The following EMC2 variants were observed in gnomAD, a reference collection of about 807,000 sequenced individuals.
EMC2 encodes TPR repeat protein 35.
A neutral mutation model predicts 51.6 loss-of-function variants in EMC2; 37 were observed. That is an observed-to-expected ratio of 0.72 (90% CI 0.55 to 0.94). The LOEUF (loss-of-function observed/expected upper bound fraction) is 0.94, where lower values mean the gene tolerates loss of function less well. EMC2 is among the 40% of genes least tolerant of loss of function. The pLI is 0.00. For missense variants in EMC2, 359 were observed against 350.9 expected, an observed-to-expected ratio of 1.02 and a Z score of -0.18; for synonymous variants, 131 against 112.4, an observed-to-expected ratio of 1.17 and a Z score of -1.04.
intron 7 of EMC2, among the ~76,000 whole-genome samples, chr8:108,472,815 T>C (rs1810881128): frequency 6.6e-6 from 1 of 152,072 alleles, no homozygotes; most frequent in Admixed American, 6.6e-5. Flanking sequence ...CCTTTCTGCA[T>C]ATGAACAGTT....
chr8:108,487,991 A>T lies in EMC2; in HGVS notation c.*1393A>T, dbSNP rs1811173408. Among the ~76,000 whole-genome samples the T allele has an allele frequency of 6.6e-6, 1 of 152,132 alleles. No homozygotes were observed. The highest frequency in any genetic ancestry group is 1.5e-5 in the Non-Finnish European group (1 of 68,022). On this transcript the variant is annotated 3_prime_UTR_variant, in exon 11 of 11. Transcript: ENST00000220853. Reference sequence around the variant, plus strand: ...AATTAGTAACTGCATTTTCAACATGATGAACCATTTGAAATTTACATTTTC... The same window carrying T: ...AATTAGTAACTGCATTTTCAACATGTTGAACCATTTGAAATTTACATTTTC...
Position 108,487,911 on chromosome 8 carries a change from A to G in EMC2, c.*1313A>G, listed in dbSNP as rs1001869680. ...CTGTGAAAGAACTCTTCTCATCTGA[A>G]GGTAATTCTCTACTAATCTTTATTA... On this transcript the variant is annotated 3_prime_UTR_variant, in exon 11 of 11. Transcript: ENST00000220853. 2.0e-5 allele frequency among the ~76,000 whole-genome samples: 3 copies of G among 152,170 alleles called. No homozygotes were observed. Among genetic ancestry groups the G allele is most frequent in the Non-Finnish European group, 4.4e-5 (3 of 68,024 alleles).
In EMC2 at chr8:108,479,002, T is replaced by C. The variant is rs749395526; in HGVS notation, c.703-4T>C. 2 of 1,536,210 alleles carry C rather than the reference T, an allele frequency of 1.3e-6. No homozygotes were observed. Among genetic ancestry groups the C allele is most frequent in the Non-Finnish European group, 1.8e-6 (2 of 1,141,674 alleles). The stretch of plus-strand genomic sequence containing the variant: ...TTGCTTTTGATGTTTTTATTTGTTT[T>C]TAGTCGGCAAGTCATATTGCTTCTA... On this transcript the variant is annotated splice_region_variant and splice_polypyrimidine_tract_variant and intron_variant, in intron 9 of 10. Transcript: ENST00000220853.
chr8:108,460,637 C>T (rs1476582037), intron 5 of EMC2, among the ~76,000 whole-genome samples: 3 of 152,092 alleles, frequency 2.0e-5, no homozygotes, highest in Non-Finnish European at 4.4e-5. Flanking sequence ...GAAATGTAAA[C>T]CAATTTTGTG....
chr8:108,460,205 G>A (rs1301053534), intron 5 of EMC2, among the ~76,000 whole-genome samples: 1 of 152,166 alleles, frequency 6.6e-6, no homozygotes, highest in Non-Finnish European at 1.5e-5. Context: ...TTTGGAATTA[G>A]GAGTACAATA....
At chr8:108,447,782 T>C (rs1818913481) in intron 1 of EMC2, among the ~76,000 whole-genome samples, 1 of 152,076 alleles carries the variant, frequency 6.6e-6, no homozygotes, top group Non-Finnish European at 1.5e-5. Flanking sequence ...ACTTACATAG[T>C]ATGTAATAAA....
chr8:108,448,382 C>A (rs1407608183), intron 1 of EMC2, among the ~76,000 whole-genome samples: 3 of 151,958 alleles, frequency 2.0e-5, no homozygotes, highest in African/African-American at 7.3e-5. Flanking sequence ...GCTCTGTGTC[C>A]CCACCCAAAT....
At chr8:108,477,005 G>GT (rs968368750) in intron 9 of EMC2, 113 bp downstream of exon 9, 27 of 560,196 alleles carry the variant, frequency 4.8e-5, no homozygotes, top group Non-Finnish European at 7.1e-5. Context: ...TGATAAGCAT[G>GT]TTTTTTTCTG....
rs926188737 is a variant in EMC2 at position 108,453,095 on chromosome 8, G to A, written c.253G>A (p.Gly85Ser). The A allele has an allele frequency of 1.9e-6, 3 of 1,605,862 alleles. No individual in the cohort carries two copies. The highest frequency in any genetic ancestry group is 1.7e-5 in the Admixed American group (1 of 58,854). Residue 85 changes from glycine to serine, a missense_variant, in exon 4 of 11, where the codon GGC (glycine) becomes AGC (serine). By Grantham distance (56) the Gly-to-Ser change is moderately conservative (BLOSUM62 0). Coordinates refer to ENST00000220853, the MANE Select transcript of EMC2 (RefSeq NM_014673.5). The stretch of plus-strand genomic sequence containing the variant: ...TCAAGAGCTGAGAAGACAGTTCCCT[G>A]GCAGTCACAGAGTCAAGCGATTAAC... ...CLQELRRQFP[G>S]SHRVKRLTGM...
In EMC2 at chr8:108,487,386, TAAG is replaced by T. The variant is rs927466776; in HGVS notation, c.*791_*793del. Among the ~76,000 whole-genome samples, 8 of 151,934 alleles carry T rather than the reference TAAG, an allele frequency of 5.3e-5. No homozygotes were observed. Among genetic ancestry groups the T allele is most frequent in the South Asian group, 2.1e-4 (1 of 4,822 alleles). ...TAGTTATTTTTAATTTTGAAAAAAA[TAAG>T]AAAATTAAAACTATCCTTAGAAACA... is the stretch of plus-strand genomic sequence containing the variant. On this transcript the variant is annotated 3_prime_UTR_variant, in exon 11 of 11. Transcript: ENST00000220853.
Position 108,447,016 on chromosome 8 carries a change from TA to T in EMC2, c.41-2800del, listed in dbSNP as rs550045038. Among the ~76,000 whole-genome samples, 617 of 152,280 alleles carry T rather than the reference TA, an allele frequency of 4.1e-3. 5 individuals carry two copies. Among genetic ancestry groups the T allele is most frequent in the African/African-American group, 0.014 (586 of 41,560 alleles). ...ACTGCCGTTCTTAGAAGTTATGCTT[TA>T]AAAAAAGTTCTCTTTCCTATGAGTG... is the stretch of plus-strand genomic sequence containing the variant. On this transcript the variant is annotated intron_variant, in intron 1 of 10. Transcript: ENST00000220853.
intron 5 of EMC2, among the ~76,000 whole-genome samples, chr8:108,465,389 A>G (rs1429981709): frequency 6.6e-6 from 1 of 152,202 alleles, no homozygotes; most frequent in East Asian, 1.9e-4. Flanking sequence ...CAAAGTTTAA[A>G]CAATACTGTA....
chr8:108,446,410 G>T (rs568263205), intron 1 of EMC2: 1 of 293,590 alleles, frequency 3.4e-6, no homozygotes, highest in Non-Finnish European at 7.1e-6. Flanking sequence ...CAGTTTGGAA[G>T]CTATCCTAGC....
chr8:108,473,721 T>A (rs1810900453), intron 7 of EMC2: 1 of 152,032 alleles, frequency 6.6e-6, no homozygotes, highest in South Asian at 2.1e-4. Context: ...GTTGGTAAAG[T>A]AACACACAGT....
chr8:108,471,159 C>T (rs1810847857), intron 7 of EMC2, among the ~76,000 whole-genome samples: 1 of 151,922 alleles, frequency 6.6e-6, no homozygotes, highest in Admixed American at 6.6e-5. Context: ...TCCTGAATCA[C>T]ATTCAGTATA....
chr8:108,475,884 A>G lies in EMC2; in HGVS notation c.512A>G (p.Tyr171Cys), dbSNP rs772037335. The G allele has an allele frequency of 4.4e-6, 7 of 1,582,536 alleles. No individual in the cohort carries two copies. Among genetic ancestry groups the G allele is most frequent in the African/African-American group, 1.4e-5 (1 of 73,932 alleles). ...TTCTCCTCTTGATGTGTTTTTAGCT[A>G]TGCAAAAGCAGCCTTTTGTTTAGAG... ...LAELYINEHD[Y>C]AKAAFCLEEL... Residue 171 changes from tyrosine to cysteine, a missense_variant and splice_region_variant, in exon 8 of 11, where the codon TAT (tyrosine) becomes TGT (cysteine). Physicochemically the swap from Tyr to Cys is radical, Grantham distance 194. Transcript: ENST00000220853.
intron 5 of EMC2, chr8:108,464,137 G>A (rs1407009806): frequency 2.0e-5 from 3 of 152,244 alleles, no homozygotes; most frequent in Non-Finnish European, 2.9e-5. Context: ...TTGAGGGTAA[G>A]ATGCTGCAGT....
At chr8:108,481,344 G>A (rs1811041451) in intron 10 of EMC2, among the ~76,000 whole-genome samples, 1 of 151,954 alleles carries the variant, frequency 6.6e-6, no homozygotes, top group Admixed American at 6.6e-5. Flanking sequence ...CTAAGTCAGA[G>A]TATTTATAAA....
In EMC2 at chr8:108,449,961, C is replaced by T. The variant is rs200759351; in HGVS notation, c.154+25C>T. The T allele has an allele frequency of 3.8e-6, 4 of 1,039,790 alleles. No homozygotes were observed. The East Asian group carries it at 9.9e-5, about 26-fold the overall frequency. 64.4% of individuals were successfully genotyped at this position (1,039,790 alleles called of 1,614,324 possible). On this transcript the variant is annotated intron_variant, in intron 2 of 10. Coordinates refer to ENST00000220853, the MANE Select transcript of EMC2 (RefSeq NM_014673.5). The stretch of plus-strand genomic sequence containing the variant: ...AGTAAGTTCTTTTATTACATTCAGG[C>T]TCAGTACATGCCTCATTCATGGGCC...
Sources: gnomAD v4.1 joint callset for allele counts (sites outside exome capture counted in the v4.1 genomes callset) on GRCh38, gnomAD v4.1.1 for gene constraint, MANE v1.5 for transcripts, NCBI Gene and HGNC (gene_info 2026-07-23, HGNC 2026-07-21) for gene names.